SPTLC1: variants seen among roughly 807,000 people sequenced by gnomAD.
SPTLC1 encodes the protein serine palmitoyltransferase 1.
In SPTLC1, 55 loss-of-function variants were observed where a neutral mutation model predicts 68.9. That is an observed-to-expected ratio of 0.80 (90% CI 0.64 to 1.00). The LOEUF (loss-of-function observed/expected upper bound fraction) is 1.00, where lower values mean the gene tolerates loss of function less well. Ranked by LOEUF, SPTLC1 falls within the 50% of genes least tolerant of loss-of-function variation. SPTLC1 has a pLI of 0.00. For missense variants in SPTLC1, 449 were observed against 573.1 expected, an observed-to-expected ratio of 0.78 and a Z score of 2.21; for synonymous variants, 197 against 201.6, an observed-to-expected ratio of 0.98 and a Z score of 0.19.
At chr9:92,044,007 T>G (rs1263134827) in intron 12 of SPTLC1, among the ~76,000 whole-genome samples, 1 of 152,178 alleles carries the variant, frequency 6.6e-6, no homozygotes, top group Non-Finnish European at 1.5e-5. Context: ...TCTGTAACCA[T>G]CTAGATACCA....
At chr9:92,096,154 A>T (rs1835521490) in intron 3 of SPTLC1, among the ~76,000 whole-genome samples, 1 of 152,208 alleles carries the variant, frequency 6.6e-6, no homozygotes. Context: ...GTAATAGACT[A>T]GAGGACTCCT....
intron 10 of SPTLC1, 120 bp from the exon 11 acceptor site, chr9:92,047,388 G>A (rs1020793879): frequency 2.3e-6 from 2 of 859,624 alleles, no homozygotes; most frequent in African/African-American, 3.3e-5. Flanking sequence ...AGGGGGGTAA[G>A]ATCCAGCCAT....
At chr9:92,076,715 T>C (rs1345818762) in intron 5 of SPTLC1, 1 of 152,204 alleles carries the variant, frequency 6.6e-6, no homozygotes, top group Non-Finnish European at 1.5e-5. Flanking sequence ...CCTTTCCTTA[T>C]GCATCAAGCA....
At chr9:92,053,312 A>T (rs7852067) in intron 8 of SPTLC1, among the ~76,000 whole-genome samples, 1 of 152,052 alleles carries the variant, frequency 6.6e-6, no homozygotes. Context: ...TATAGCTGAT[A>T]GGAATGTAAA....
At chr9:92,072,782 G>T (rs979329203) in intron 5 of SPTLC1, among the ~76,000 whole-genome samples, 2 of 152,116 alleles carry the variant, frequency 1.3e-5, no homozygotes, top group Middle Eastern at 3.4e-3. Context: ...TGCAAAATGG[G>T]CAAATGGTCT....
At chr9:92,091,344 T>A (rs1217076635) in intron 3 of SPTLC1, among the ~76,000 whole-genome samples, 1 of 152,178 alleles carries the variant, frequency 6.6e-6, no homozygotes, top group Admixed American at 6.5e-5. Context: ...TTTTGAGGGA[T>A]AGCAACATAC....
At chr9:92,061,218 G>C (rs1834089129) in intron 6 of SPTLC1, among the ~76,000 whole-genome samples, 1 of 152,050 alleles carries the variant, frequency 6.6e-6, no homozygotes, top group African/African-American at 2.4e-5. Flanking sequence ...GATGACTTCT[G>C]AAAACAAATG....
At position 92,105,477 on chromosome 9, in the gene SPTLC1, G is replaced by C. The variant is rs908268404; in HGVS notation, c.260+3263C>G. On this transcript the variant is annotated intron_variant, in intron 3 of 14. Transcript: ENST00000262554. ...TCCAGCACTTTGGGAGGCCCAGGCG[G>C]GTGGATCAGGAGGTCAAGAGATTGA... is the stretch of plus-strand genomic sequence containing the variant. 9.7e-6 allele frequency: 9 copies of C among 928,718 alleles called. No homozygotes were observed. The Admixed American group carries it at 2.1e-4, about 21-fold the overall frequency. The allele number at this position is 928,718 out of a possible 1,614,324, so 57.5% of individuals were successfully genotyped here.
Position 92,112,340 on chromosome 9 carries a change from T to A in SPTLC1, c.165+115A>T. The A allele has an allele frequency of 4.1e-6, 3 of 736,318 alleles. No homozygotes were observed. The South Asian group carries it at 4.6e-5, about 11-fold the overall frequency. The allele number at this position is 736,318 out of a possible 1,614,324, so 45.6% of individuals were successfully genotyped here. A position where few individuals can be genotyped will look rare whatever the true frequency, so the allele number is the denominator to read the frequency against. The stretch of plus-strand genomic sequence containing the variant: ...AATAATTCATTCCCCTTGATTTCCT[T>A]ACATTACAGAAAATGCTTTAACACA... On this transcript the variant is annotated intron_variant, in intron 2 of 14. Transcript: ENST00000262554.
chr9:92,090,006 A>C (rs1835296639), intron 3 of SPTLC1, among the ~76,000 whole-genome samples: 1 of 152,226 alleles, frequency 6.6e-6, no homozygotes, highest in Non-Finnish European at 1.5e-5. Context: ...TAAAATAAAA[A>C]CATTTCTCAT....
intron 3 of SPTLC1, among the ~76,000 whole-genome samples, chr9:92,090,334 C>T (rs573273510): frequency 1.3e-5 from 2 of 152,238 alleles, no homozygotes; most frequent in East Asian, 3.9e-4. Flanking sequence ...ACATTTGGGG[C>T]AAGGTGGCTC....
At chr9:92,095,555 C>T (rs940858345) in intron 3 of SPTLC1, among the ~76,000 whole-genome samples, 1 of 152,132 alleles carries the variant, frequency 6.6e-6, no homozygotes, top group Non-Finnish European at 1.5e-5. Context: ...ATATATGCAG[C>T]AACTCTACCT....
rs1434051213 is a variant in SPTLC1, at chr9:92,032,317, A to G, written c.*148T>C. 2 of 1,546,220 alleles carry G rather than the reference A, an allele frequency of 1.3e-6. No individual in the cohort carries two copies. Among genetic ancestry groups the G allele is most frequent in the Non-Finnish European group, 1.7e-6 (2 of 1,150,056 alleles). ...AAATAAGCATCCTTCTCATGGTCAC[A>G]CAATTGGTCCATACTGACACCATTT... is the stretch of plus-strand genomic sequence containing the variant. On this transcript the variant is annotated 3_prime_UTR_variant, in exon 15 of 15. Coordinates refer to ENST00000262554, the MANE Select transcript of SPTLC1 (RefSeq NM_006415.4).
chr9:92,087,008 G>A (rs2118720254), intron 3 of SPTLC1, among the ~76,000 whole-genome samples: 1 of 152,164 alleles, frequency 6.6e-6, no homozygotes, highest in South Asian at 2.1e-4. Context: ...TTCCATCGCT[G>A]ATACCCTTTC....
chr9:92,071,921 C>A (rs1031243113), intron 5 of SPTLC1, among the ~76,000 whole-genome samples: 15 of 152,300 alleles, frequency 9.8e-5, no homozygotes, highest in African/African-American at 3.4e-4. Context: ...TGATAATGTA[C>A]CTTGTGACAT....
chr9:92,079,758 A>G (rs1380983450), intron 5 of SPTLC1: 1 of 662,774 alleles, frequency 1.5e-6, no homozygotes, highest in East Asian at 2.7e-5. Context: ...GCTGCTCTGC[A>G]CTCGTTCCTC....
chr9:92,056,304 G>A (rs28513744), intron 7 of SPTLC1, among the ~76,000 whole-genome samples: 1 of 151,926 alleles, frequency 6.6e-6, no homozygotes, highest in Non-Finnish European at 1.5e-5. Context: ...ATCTCTGCTC[G>A]CTGCAACCTC....
At chr9:92,087,573 G>T (rs7035867) in intron 3 of SPTLC1, among the ~76,000 whole-genome samples, 3 of 151,964 alleles carry the variant, frequency 2.0e-5, no homozygotes, top group Non-Finnish European at 4.4e-5. Context: ...TCGTGAACCG[G>T]GAATGCTGCT....
intron 3 of SPTLC1, among the ~76,000 whole-genome samples, chr9:92,094,805 C>T (rs920989909): frequency 1.3e-5 from 2 of 152,170 alleles, no homozygotes; most frequent in African/African-American, 4.8e-5. Context: ...GCCATTTCTC[C>T]GGCTATCAGT....
Sources: allele counts gnomAD v4.1 joint callset (sites outside exome capture counted in the v4.1 genomes callset), GRCh38; gene constraint gnomAD v4.1.1; transcripts MANE v1.5; gene names NCBI Gene and HGNC (gene_info 2026-07-23, HGNC 2026-07-21).